The following MINK1 variants were observed in gnomAD, a reference collection of about 807,000 sequenced individuals.
The protein encoded by MINK1 is misshapen like kinase 1.
Under a neutral mutation model 178.4 loss-of-function variants are expected in MINK1, and 46 were observed. The ratio of observed to expected loss-of-function variants is 0.26; its 90% confidence interval spans 0.20 to 0.33. The LOEUF (loss-of-function observed/expected upper bound fraction) is 0.33, where lower values mean the gene tolerates loss of function less well. Among genes scored for constraint, MINK1 ranks in the 10% least tolerant of loss-of-function variants. The pLI is 1.00. For missense variants in MINK1, 1,366 were observed against 1,814.9 expected (o/e 0.75, Z 4.49); for synonymous variants, 797 against 709.7 (o/e 1.12, Z -1.96).
At chr17:4,873,722 G>A (rs1468839129) in intron 1 of MINK1, among the ~76,000 whole-genome samples, 1 of 149,596 alleles carries the variant, frequency 6.7e-6, no homozygotes, top group Non-Finnish European at 1.5e-5. Context: ...GAGTTCAAGC[G>A]ATTCTCCTGC....
chr17:4,888,912 C>T (rs984514464), intron 12 of MINK1, among the ~76,000 whole-genome samples: 1 of 151,958 alleles, frequency 6.6e-6, no homozygotes, highest in African/African-American at 2.4e-5. Context: ...GTTGGTCAGG[C>T]TGGTCTCGAA....
chr17:4,871,107 T>A, intron 1 of MINK1: 1 of 342,236 alleles, frequency 2.9e-6, no homozygotes, highest in East Asian at 9.9e-5. Context: ...TTCATAAGCA[T>A]AATGTCTTCA....
intron 1 of MINK1, among the ~76,000 whole-genome samples, chr17:4,877,892 G>A (rs7217036): frequency 6.8e-6 from 1 of 147,838 alleles, no homozygotes; most frequent in Non-Finnish European, 1.5e-5. Context: ...CTCACTGCAA[G>A]CTCTGCCTCC....
chr17:4,868,916 A>T (rs1489703483), intron 1 of MINK1: 3 of 221,180 alleles, frequency 1.4e-5, no homozygotes, highest in South Asian at 8.4e-5. Context: ...CACCTGGCTA[A>T]TTATTTATTT....
At position 4,839,280 on chromosome 17, in the gene MINK1, A is replaced by G. The variant is rs544268338; in HGVS notation, c.57+5640A>G. Among the ~76,000 whole-genome samples, 5 of 152,128 alleles carry G rather than the reference A, an allele frequency of 3.3e-5. 1 individual carries two copies. Among genetic ancestry groups the G allele is most frequent in the African/African-American group, 1.2e-4 (5 of 41,508 alleles). On this transcript the variant is annotated intron_variant, in intron 1 of 31. Transcript: ENST00000355280. ...CTTAACTGTTACTGTTTTCCTCAAT[A>G]TCCTGCAACCTTCAAGGTTGGGACA...
chr17:4,894,333 C>T lies in MINK1; in HGVS notation c.2808+22C>T, dbSNP rs1358213084. ...TGACGTAAGTGGGCCGGAGGCAGGT[C>T]CGCCGGGAGAGAAGAGCCCTGGCGA... On this transcript the variant is annotated intron_variant, in intron 23 of 31. Coordinates refer to ENST00000355280, the MANE Select transcript of MINK1 (RefSeq NM_153827.5). The surrounding 1 kb of genome is among the most constrained non-coding windows in gnomAD (Gnocchi z 4.1). The T allele has an allele frequency of 6.2e-7, 1 of 1,606,490 alleles. No homozygotes were observed.
chr17:4,897,023 ACCCTCTC>A lies in MINK1; in HGVS notation c.3916-176_3916-170del, dbSNP rs1302407892. The A allele has an allele frequency of 5.7e-6, 5 of 871,864 alleles. No individual in the cohort carries two copies. In the African/African-American group the frequency reaches 6.8e-5, roughly 12 times the overall value. 54.0% of individuals were successfully genotyped at this position (871,864 alleles called of 1,614,324 possible). The stretch of plus-strand genomic sequence containing the variant: ...CTGGCCCCCAGGGGGCGAGTGGTGC[ACCCTCTC>A]CCCTAACATCCCAGCCTGCCTTTCC... On this transcript the variant is annotated intron_variant, in intron 31 of 31. Coordinates refer to ENST00000355280, the MANE Select transcript of MINK1 (RefSeq NM_153827.5).
Position 4,833,557 on chromosome 17 carries a change from C to G in MINK1, c.-27C>G. 6.0e-6 allele frequency: 9 copies of G among 1,488,590 alleles called. No homozygotes were observed. The highest frequency in any genetic ancestry group is 8.0e-6 in the Non-Finnish European group (9 of 1,122,762). 92.2% of individuals were successfully genotyped at this position (1,488,590 alleles called of 1,614,324 possible). ...GTAACCGAGCCGGAGCGTGAGCGGC[C>G]CCGGTGCCCCGTTCCCCACGGAGGC... is the stretch of plus-strand genomic sequence containing the variant. On this transcript the variant is annotated 5_prime_UTR_variant, in exon 1 of 32. Transcript: ENST00000355280. This position sits in a 1 kb window ranked among gnomAD's most constrained non-coding sequence, Gnocchi z 4.8.
chr17:4,880,851 G>C (rs1967635034), intron 2 of MINK1, 133 bp from the exon 3 acceptor site: 1 of 804,556 alleles, frequency 1.2e-6, no homozygotes, highest in Non-Finnish European at 1.8e-6. Flanking sequence ...AGTGAGCCGA[G>C]ATCGCGCCAC....
At chr17:4,882,664 G>A (rs140874286) in intron 4 of MINK1, among the ~76,000 whole-genome samples, 16,882 of 152,182 alleles carry the variant, frequency 0.11, 1,044 homozygotes, top group African/African-American at 0.16. Flanking sequence ...CCAGCTACAC[G>A]GTTCTGTTGT....
At chr17:4,871,058 T>C in intron 1 of MINK1, 1 of 364,940 alleles carries the variant, frequency 2.7e-6, no homozygotes, top group Non-Finnish European at 5.8e-6. Context: ...TACACATAAA[T>C]GTAGCCACAT....
intron 1 of MINK1, among the ~76,000 whole-genome samples, chr17:4,839,598 G>T (rs931302816): frequency 6.6e-6 from 1 of 152,150 alleles, no homozygotes; most frequent in Non-Finnish European, 1.5e-5. Flanking sequence ...CAGTTCTTTT[G>T]CCATTCTCCT....
At chr17:4,890,010 C>T (rs947553700) in intron 13 of MINK1, 1 of 573,080 alleles carries the variant, frequency 1.7e-6, no homozygotes, top group East Asian at 3.0e-5. Context: ...CCTCATCCCC[C>T]CTCATTCCCT....
At chr17:4,889,351 G>A (rs1430848334) in intron 12 of MINK1, among the ~76,000 whole-genome samples, 1 of 152,118 alleles carries the variant, frequency 6.6e-6, no homozygotes, top group Non-Finnish European at 1.5e-5. Context: ...TTTTGAGTTC[G>A]GCTTTGGTTT....
At chr17:4,892,798 C>T (rs1349186058) in intron 19 of MINK1, 30 bp downstream of exon 19, 1 of 1,565,668 alleles carries the variant, frequency 6.4e-7, no homozygotes, top group Non-Finnish European at 8.7e-7. Flanking sequence ...GCAGCCTGCT[C>T]TGGGCCTGGG....
At chr17:4,893,825 G>GGCACA in intron 21 of MINK1, 163 bp from the exon 22 acceptor site, 1 of 854,708 alleles carries the variant, frequency 1.2e-6, no homozygotes, top group Non-Finnish European at 1.8e-6. Context: ...TGTGTGCCAT[G>GGCACA]CAGGGAAGCA....
At chr17:4,839,935 ATTAATGTGTGTGT>A (rs1909918344) in intron 1 of MINK1, among the ~76,000 whole-genome samples, 2 of 128,202 alleles carry the variant, frequency 1.6e-5, no homozygotes, top group African/African-American at 6.2e-5. Context: ...GTAATTATTT[ATTAATGTGTGTGT>A]GTGTGTGTGT....
chr17:4,859,774 G>T (rs1324286959), intron 1 of MINK1, among the ~76,000 whole-genome samples: 1 of 104,180 alleles, frequency 9.6e-6, no homozygotes, highest in East Asian at 2.7e-4. Context: ...GGTGACAAGA[G>T]CGAAACTCCA....
intron 1 of MINK1, among the ~76,000 whole-genome samples, chr17:4,865,049 A>T (rs202073924): frequency 1.3e-5 from 2 of 152,214 alleles, no homozygotes; most frequent in East Asian, 3.8e-4. Flanking sequence ...CACACTTGGC[A>T]GCAGCAGGAG....
Sources: allele counts gnomAD v4.1 joint callset (sites outside exome capture counted in the v4.1 genomes callset), GRCh38; gene constraint gnomAD v4.1.1; non-coding constraint Gnocchi (gnomAD v3.1); transcripts MANE v1.5; gene names NCBI Gene and HGNC (gene_info 2026-07-23, HGNC 2026-07-21).